Variants in GAREM1 observed in about 807,000 individuals in gnomAD.
The protein encoded by GAREM1 is GRB2-associated and regulator of MAPK protein 1.
A neutral mutation model predicts 71.3 loss-of-function variants in GAREM1; 26 were observed. The observed-to-expected ratio is 0.36, with a 90% CI of 0.27 to 0.51. GAREM1 has a LOEUF of 0.51. Ranked by LOEUF, GAREM1 falls within the 20% of genes least tolerant of loss-of-function variation. The pLI, the probability that GAREM1 is intolerant of heterozygous loss-of-function variation, is 0.95. For synonymous variants in GAREM1, 440 were observed against 433.2 expected, an observed-to-expected ratio of 1.02 and a Z score of -0.20; for missense variants, 1,026 against 1,103.1, an observed-to-expected ratio of 0.93 and a Z score of 0.99.
At chr18:32,456,247 GA>G (rs2144302179) in intron 1 of GAREM1, among the ~76,000 whole-genome samples, 2 of 152,046 alleles carry the variant, frequency 1.3e-5, no homozygotes, top group African/African-American at 4.8e-5. Context: ...AAATTGACAA[GA>G]ACAAGCAAGC....
chr18:32,440,785 G>A (rs2048728508), intron 1 of GAREM1, among the ~76,000 whole-genome samples: 1 of 152,192 alleles, frequency 6.6e-6, no homozygotes, highest in Non-Finnish European at 1.5e-5. Context: ...GGACCATATT[G>A]TGTGGAAATA....
rs1027233344 is a variant in GAREM1, at chr18:32,426,953, T to C, written c.122-33918A>G. 7.2e-5 allele frequency among the ~76,000 whole-genome samples: 11 copies of C among 152,202 alleles called. 1 individual carries two copies. Among genetic ancestry groups the C allele is most frequent in the Admixed American group, 3.9e-4 (6 of 15,276 alleles). ...ATATAATACACTTTCCCTCCATATATAGTCATATATTTTCATGCACTTTTA... is the reference window on the plus strand; with the variant it reads ...ATATAATACACTTTCCCTCCATATACAGTCATATATTTTCATGCACTTTTA... On this transcript the variant is annotated intron_variant, in intron 1 of 5. Transcript: ENST00000269209.
chr18:32,370,716 C>T (rs2047969847), intron 2 of GAREM1, among the ~76,000 whole-genome samples: 1 of 152,002 alleles, frequency 6.6e-6, no homozygotes, highest in Non-Finnish European at 1.5e-5. Context: ...GATGCTAATA[C>T]TAACATTAAG....
chr18:32,376,146 T>C (rs1312562792), intron 2 of GAREM1, among the ~76,000 whole-genome samples: 1 of 152,252 alleles, frequency 6.6e-6, no homozygotes, highest in Admixed American at 6.5e-5. Context: ...GAAAGACTTT[T>C]AAATGTATAA....
intron 4 of GAREM1, among the ~76,000 whole-genome samples, chr18:32,274,607 A>G (rs1404828292): frequency 6.6e-6 from 1 of 152,110 alleles, no homozygotes. Flanking sequence ...TCTTTCTAGC[A>G]ATCTCTCCCA....
intron 1 of GAREM1, among the ~76,000 whole-genome samples, chr18:32,467,456 A>G (rs2049010119): frequency 6.6e-6 from 1 of 152,064 alleles, no homozygotes; most frequent in Non-Finnish European, 1.5e-5. Context: ...CCACTCCACC[A>G]TTTACTAGGT....
chr18:32,307,427 A>G (rs561581353), intron 3 of GAREM1, among the ~76,000 whole-genome samples: 1 of 152,100 alleles, frequency 6.6e-6, no homozygotes, highest in South Asian at 2.1e-4. Flanking sequence ...ATTGTTTTTA[A>G]TTTTTTCCCA....
intron 2 of GAREM1, among the ~76,000 whole-genome samples, chr18:32,372,203 C>G (rs943008429): frequency 5.9e-5 from 9 of 152,156 alleles, no homozygotes; most frequent in African/African-American, 2.2e-4. Flanking sequence ...ACAAAGCAGA[C>G]AGAAAATATT....
At chr18:32,282,302 T>C (rs1402923540) in intron 4 of GAREM1, among the ~76,000 whole-genome samples, 2 of 152,160 alleles carry the variant, frequency 1.3e-5, no homozygotes, top group Non-Finnish European at 2.9e-5. Flanking sequence ...GGCGTGAGCC[T>C]GTAGTCCCAG....
chr18:32,378,113 C>T (rs925366024), intron 2 of GAREM1, among the ~76,000 whole-genome samples: 2 of 150,560 alleles, frequency 1.3e-5, no homozygotes, highest in Non-Finnish European at 2.9e-5. Context: ...TGATAAATGC[C>T]AGGAATTCTG....
chr18:32,346,462 T>C (rs1486994179), intron 2 of GAREM1, among the ~76,000 whole-genome samples: 1 of 152,240 alleles, frequency 6.6e-6, no homozygotes, highest in Non-Finnish European at 1.5e-5. Context: ...GTGAATCCTC[T>C]TATAAAGCAA....
chr18:32,290,113 TA>T (rs990310587), intron 3 of GAREM1, among the ~76,000 whole-genome samples: 2 of 151,380 alleles, frequency 1.3e-5, no homozygotes, highest in Admixed American at 1.3e-4. Context: ...TATCATAAAT[TA>T]AAAATATATA....
chr18:32,335,221 G>T (rs1254289701), intron 2 of GAREM1, among the ~76,000 whole-genome samples: 1 of 152,148 alleles, frequency 6.6e-6, no homozygotes, highest in Non-Finnish European at 1.5e-5. Context: ...ATCAATTTTT[G>T]AACTTCTATT....
At chr18:32,354,488 C>A (rs931603848) in intron 2 of GAREM1, among the ~76,000 whole-genome samples, 17 of 152,100 alleles carry the variant, frequency 1.1e-4, no homozygotes, top group African/African-American at 3.6e-4. Flanking sequence ...ACCAGCACTC[C>A]CAGATGAGTG....
chr18:32,346,385 A>T (rs1390718023), intron 2 of GAREM1, among the ~76,000 whole-genome samples: 1 of 152,212 alleles, frequency 6.6e-6, no homozygotes, highest in Non-Finnish European at 1.5e-5. Flanking sequence ...ATAAACTACC[A>T]TTACAATTGG....
intron 2 of GAREM1, among the ~76,000 whole-genome samples, chr18:32,387,775 G>T (rs1293263049): frequency 3.3e-5 from 5 of 152,150 alleles, no homozygotes; most frequent in Non-Finnish European, 7.3e-5. Context: ...GTTCTCATAA[G>T]AACCACAGAA....
chr18:32,427,804 A>C (rs1273747803), intron 1 of GAREM1, among the ~76,000 whole-genome samples: 2 of 152,184 alleles, frequency 1.3e-5, no homozygotes, highest in East Asian at 3.9e-4. Context: ...GTGACCTTTC[A>C]AAAAATGCCA....
chr18:32,364,028 G>GTTTTTTTTTTTTTTTTTTTTTTT (rs1157200391), intron 2 of GAREM1, among the ~76,000 whole-genome samples: 4 of 21,672 alleles, frequency 1.8e-4, no homozygotes, highest in Admixed American at 1.6e-3. Flanking sequence ...ATATATATAT[G>GTTTTTTTTTTTTTTTTTTTTTTT]TTTTTTTTTT....
intron 3 of GAREM1, among the ~76,000 whole-genome samples, chr18:32,309,021 A>G (rs906698257): frequency 1.3e-5 from 2 of 150,144 alleles, no homozygotes; most frequent in Non-Finnish European, 3.0e-5. Context: ...TCTGTTTTTC[A>G]CATAGAGTGG....
Sources: allele counts gnomAD v4.1 joint callset (sites outside exome capture counted in the v4.1 genomes callset), GRCh38; gene constraint gnomAD v4.1.1; transcripts MANE v1.5; gene names NCBI Gene and HGNC (gene_info 2026-07-23, HGNC 2026-07-21).